Variants in NALCN observed in about 807,000 individuals in gnomAD.
NALCN encodes sodium leak channel, non-selective.
In NALCN, 111 loss-of-function variants were observed where a neutral mutation model predicts 225.3. The ratio of observed to expected loss-of-function variants is 0.49; its 90% CI spans 0.42 to 0.58. The LOEUF (loss-of-function observed/expected upper bound fraction) is 0.58. Ranked by LOEUF, NALCN falls within the 20% of genes least tolerant of loss-of-function variation. NALCN has a pLI of 0.00. For missense variants in NALCN, 1,378 were observed against 2,202.4 expected (o/e 0.63, Z 7.49); for synonymous variants, 764 against 769.0 (o/e 0.99, Z 0.11).
intron 17 of NALCN, among the ~76,000 whole-genome samples, chr13:101,141,717 G>A (rs1055892301): frequency 1.2e-4 from 19 of 152,138 alleles, no homozygotes; most frequent in African/African-American, 4.3e-4. Context: ...AGAAAGGTGA[G>A]GGAATTCCAA....
chr13:101,064,070 C>A (rs1258637459), intron 40 of NALCN, among the ~76,000 whole-genome samples: 6 of 152,128 alleles, frequency 3.9e-5, no homozygotes, highest in African/African-American at 1.4e-4. Flanking sequence ...TTAAATAATA[C>A]CATCTAGCAG....
intron 14 of NALCN, among the ~76,000 whole-genome samples, chr13:101,186,503 C>T (rs74117673): frequency 0.016 from 2,498 of 152,250 alleles, 64 homozygotes; most frequent in African/African-American, 0.056. Context: ...GAAACAACTG[C>T]TGACCATGTT....
At chr13:101,393,149 C>A (rs979927245) in intron 3 of NALCN, among the ~76,000 whole-genome samples, 3 of 152,156 alleles carry the variant, frequency 2.0e-5, no homozygotes, top group Non-Finnish European at 4.4e-5. Context: ...CTAACACACA[C>A]AGAGTGGCCA....
chr13:101,140,498 G>A (rs543946252), intron 17 of NALCN, among the ~76,000 whole-genome samples: 1 of 152,292 alleles, frequency 6.6e-6, no homozygotes, highest in South Asian at 2.1e-4. Flanking sequence ...GGCCATAATG[G>A]AAATCAGCTC....
intron 27 of NALCN, among the ~76,000 whole-genome samples, chr13:101,100,412 G>A (rs561427421): frequency 6.6e-6 from 1 of 152,282 alleles, no homozygotes; most frequent in East Asian, 1.9e-4. Context: ...TCTCTGAGGT[G>A]TGCTTTTCAT....
intron 15 of NALCN, among the ~76,000 whole-genome samples, chr13:101,151,712 C>T (rs1219357830): frequency 6.6e-6 from 1 of 152,112 alleles, no homozygotes; most frequent in Non-Finnish European, 1.5e-5. Context: ...CTTGCTAAGG[C>T]GTAAACTATT....
intron 10 of NALCN, among the ~76,000 whole-genome samples, chr13:101,278,644 C>G (rs745749862): frequency 6.6e-6 from 1 of 151,304 alleles, no homozygotes; most frequent in Admixed American, 6.6e-5. Context: ...GAAAAGAGTT[C>G]TGAAAGAGGT....
At chr13:101,397,105 TATATAC>T (rs1339413554) in intron 2 of NALCN, among the ~76,000 whole-genome samples, 9 of 77,822 alleles carry the variant, frequency 1.2e-4, no homozygotes, top group South Asian at 4.7e-4. Context: ...TATATATATA[TATATAC>T]ATACACATAC....
chr13:101,172,883 A>T lies in NALCN; in HGVS notation c.1839+3417T>A, dbSNP rs143611824. On this transcript the variant is annotated intron_variant, in intron 15 of 43. Transcript: ENST00000251127. ...CGCCTGGCCAACACCCCCATTTTAG[A>T]GCGAACAGGCCCTGGTTTTTATTAC... is the stretch of plus-strand genomic sequence containing the variant. 5.0e-4 allele frequency among the ~76,000 whole-genome samples: 76 copies of T among 152,132 alleles called. 1 individual carries two copies. In the East Asian group the frequency reaches 0.014, roughly 29 times the overall value.
Position 101,259,722 on chromosome 13 carries a change from C to T in NALCN, c.1135-1148G>A, listed in dbSNP as rs1027003519. On this transcript the variant is annotated intron_variant, in intron 10 of 43. Coordinates refer to ENST00000251127, the MANE Select transcript of NALCN (RefSeq NM_052867.4). ...TTCACATTAAAAATATTTGTGGGTA[C>T]ATAGTAAGTGTATATATATATATAT... Among the ~76,000 whole-genome samples the T allele has an allele frequency of 1.2e-4, 11 of 93,560 alleles. No homozygotes were observed. In the East Asian group the frequency reaches 3.5e-3, roughly 30 times the overall value. 61.4% of individuals were successfully genotyped at this position (93,560 alleles called of 152,430 possible).
intron 7 of NALCN, among the ~76,000 whole-genome samples, chr13:101,342,623 T>A (rs1250433563): frequency 3.9e-5 from 6 of 152,300 alleles, no homozygotes; most frequent in Admixed American, 3.9e-4. Flanking sequence ...GTAGGCAGAA[T>A]CTTCTCAGGA....
chr13:101,259,771 T>C (rs1256539687), intron 10 of NALCN, among the ~76,000 whole-genome samples: 1 of 39,446 alleles, frequency 2.5e-5, no homozygotes, highest in African/African-American at 3.8e-5. Flanking sequence ...CATAAATATA[T>C]ATATATACAC....
At chr13:101,086,999 C>G (rs1026420248) in intron 30 of NALCN, among the ~76,000 whole-genome samples, 2 of 152,116 alleles carry the variant, frequency 1.3e-5, no homozygotes, top group African/African-American at 4.8e-5. Context: ...GAAAGTTGAA[C>G]TCTGAAAGGA....
intron 15 of NALCN, among the ~76,000 whole-genome samples, chr13:101,172,786 C>T (rs908374667): frequency 6.6e-6 from 1 of 152,092 alleles, no homozygotes. Context: ...CCAGGATGGT[C>T]TCGATCTCCT....
intron 6 of NALCN, among the ~76,000 whole-genome samples, chr13:101,348,183 T>C (rs978012585): frequency 2.0e-5 from 3 of 152,144 alleles, no homozygotes; most frequent in African/African-American, 4.8e-5. Context: ...AAAAATCACA[T>C]TTCAGATATT....
intron 15 of NALCN, among the ~76,000 whole-genome samples, chr13:101,163,110 C>T (rs2139876021): frequency 6.6e-6 from 1 of 152,224 alleles, no homozygotes; most frequent in Non-Finnish European, 1.5e-5. Flanking sequence ...ACCATATTGG[C>T]CAGGCTAGTC....
At chr13:101,407,085 T>C (rs1306113285) in intron 1 of NALCN, among the ~76,000 whole-genome samples, 1 of 152,256 alleles carries the variant, frequency 6.6e-6, no homozygotes, top group African/African-American at 2.4e-5. Flanking sequence ...AAAGTTTTTC[T>C]GTCATACCCA....
chr13:101,159,343 C>T (rs1003712514), intron 15 of NALCN, among the ~76,000 whole-genome samples: 2 of 152,150 alleles, frequency 1.3e-5, no homozygotes, highest in Non-Finnish European at 2.9e-5. Flanking sequence ...GACCCCAGCT[C>T]TAGTGCCAGA....
chr13:101,211,530 T>C (rs2040522443), intron 13 of NALCN, among the ~76,000 whole-genome samples: 1 of 151,084 alleles, frequency 6.6e-6, no homozygotes, highest in South Asian at 2.1e-4. Flanking sequence ...CACAGATGAG[T>C]CACCACAAAA....
Sources: allele counts gnomAD v4.1 joint callset (sites outside exome capture counted in the v4.1 genomes callset), GRCh38; gene constraint gnomAD v4.1.1; transcripts MANE v1.5; gene names NCBI Gene and HGNC (gene_info 2026-07-23, HGNC 2026-07-21).